The following YPEL3 variants were observed in gnomAD, a reference collection of about 807,000 sequenced individuals.
The protein encoded by YPEL3 is protein yippee-like 3.
YPEL3 carries 5 observed loss-of-function variants against 17.5 expected under a neutral mutation model. That is an observed-to-expected ratio of 0.29 (90% confidence interval 0.15 to 0.60). The LOEUF (loss-of-function observed/expected upper bound fraction) is 0.60. Among genes scored for constraint, YPEL3 ranks in the 20% least tolerant of loss-of-function variants. The probability of loss-of-function intolerance (pLI) is 0.87; values close to 1 mark genes in which losing one functional copy is unlikely to be tolerated. For missense variants in YPEL3, 155 were observed against 211.4 expected (o/e 0.73, Z 1.65); for synonymous variants, 87 against 87.2 (o/e 1.00, Z 0.01).
chr16:30,095,639 G>A lies in YPEL3; in HGVS notation c.-157C>T, dbSNP rs1349792153. 3.2e-6 allele frequency: 2 copies of A among 625,520 alleles called. No individual in the cohort carries two copies. The highest frequency in any genetic ancestry group is 3.2e-5 in the Admixed American group (1 of 31,262). 38.7% of individuals were successfully genotyped at this position (625,520 alleles called of 1,614,324 possible). Reference sequence around the variant, plus strand: ...ATCCATGGGGAAACTGAGGCTCGGAGGTGCCCAGGGTGAGTCACCCGCCTG... The same window carrying A: ...ATCCATGGGGAAACTGAGGCTCGGAAGTGCCCAGGGTGAGTCACCCGCCTG... On this transcript the variant is annotated 5_prime_UTR_variant, in exon 1 of 4. Coordinates refer to ENST00000398841, the MANE Select transcript of YPEL3 (RefSeq NM_031477.5). This position sits in a 1 kb window ranked among gnomAD's most constrained non-coding sequence, Gnocchi z 5.4.
chr16:30,092,899 G>C, intron 3 of YPEL3, 100 bp from the exon 4 acceptor site: 2 of 1,011,214 alleles, frequency 2.0e-6, no homozygotes, highest in East Asian at 4.8e-5. Context: ...TACATATGAG[G>C]AAACTGTGGC....
At chr16:30,094,976 G>A in intron 2 of YPEL3, 79 bp from the exon 3 acceptor site, 1 of 1,598,412 alleles carries the variant, frequency 6.3e-7, no homozygotes, top group Non-Finnish European at 8.6e-7. Flanking sequence ...TCTGTCCTCA[G>A]CATCCAAGAA....
Position 30,095,052 on chromosome 16 carries a change from A to G in YPEL3, c.275+51T>C. On this transcript the variant is annotated intron_variant, in intron 2 of 3. Transcript: ENST00000398841. This position sits in a 1 kb window ranked among gnomAD's most constrained non-coding sequence, Gnocchi z 5.4. ...GAGTCTCAGCAGGATGCCAGGGGTC[A>G]CAGGTCACAACAGAGGTCAGGGAAA... 1 of 1,612,684 alleles carries G rather than the reference A, an allele frequency of 6.2e-7. No individual in the cohort carries two copies. Among genetic ancestry groups the G allele is most frequent in the Non-Finnish European group, 8.5e-7 (1 of 1,179,136 alleles).
At chr16:30,094,650 A>G in intron 3 of YPEL3, 139 bp downstream of exon 3, 1 of 803,778 alleles carries the variant, frequency 1.2e-6, no homozygotes. Flanking sequence ...GTGCAAGATA[A>G]AGAGAATGTG....
chr16:30,093,191 C>G (rs548923595), intron 3 of YPEL3, among the ~76,000 whole-genome samples: 2 of 152,332 alleles, frequency 1.3e-5, no homozygotes, highest in East Asian at 3.9e-4. Flanking sequence ...CCCCAACTCC[C>G]AACCCTGCCA....
chr16:30,094,776 G>A lies in YPEL3; in HGVS notation c.384+13C>T, dbSNP rs1472363993. 6.2e-7 allele frequency: 1 copy of A among 1,612,900 alleles called. No individual in the cohort carries two copies. Among genetic ancestry groups the A allele is most frequent in the South Asian group, 1.1e-5 (1 of 91,062 alleles). On this transcript the variant is annotated intron_variant, in intron 3 of 3. Transcript: ENST00000398841. ...GTCAAAGGCTAGCCTGGGGTCAGAG[G>A]TGGGTGACTCACATATTTCCAGCCC...
chr16:30,092,859 G>A (rs1031418309), intron 3 of YPEL3, 60 bp from the exon 4 acceptor site: 8 of 1,489,226 alleles, frequency 5.4e-6, no homozygotes, highest in Non-Finnish European at 6.6e-6. Flanking sequence ...AGGCACTGGG[G>A]TTGGGAAGTG....
At chr16:30,093,239 G>C (rs2072755188) in intron 3 of YPEL3, among the ~76,000 whole-genome samples, 1 of 152,160 alleles carries the variant, frequency 6.6e-6, no homozygotes, top group South Asian at 2.1e-4. Context: ...GTATCTGCTT[G>C]GCCTTGCAGG....
intron 3 of YPEL3, among the ~76,000 whole-genome samples, chr16:30,093,150 G>C (rs933412043): frequency 6.6e-6 from 1 of 152,184 alleles, no homozygotes; most frequent in South Asian, 2.1e-4. Flanking sequence ...AATATAAGTA[G>C]GCCTTGCTCA....
At chr16:30,092,855 T>C in intron 3 of YPEL3, 56 bp from the exon 4 acceptor site, 1 of 1,530,744 alleles carries the variant, frequency 6.5e-7, no homozygotes, top group Non-Finnish European at 9.0e-7. Flanking sequence ...CACAAGGCAC[T>C]GGGGTTGGGA....
In YPEL3 at chr16:30,095,233, C is replaced by G. The variant is rs2072779614; in HGVS notation, c.231+19G>C. ...GCAGCCCCTATAGGTTCCAGCCCCA[C>G]TGTGGCCTGGTTGGTTACCTTGGAG... On this transcript the variant is annotated intron_variant, in intron 1 of 3. Transcript: ENST00000398841. This position sits in a 1 kb window ranked among gnomAD's most constrained non-coding sequence, Gnocchi z 5.4. 2.0e-5 allele frequency: 32 copies of G among 1,614,162 alleles called. No individual in the cohort carries two copies. The highest frequency in any genetic ancestry group is 2.2e-5 in the Non-Finnish European group (26 of 1,179,978).
At position 30,095,372 on chromosome 16, in the gene YPEL3, G is replaced by A; in HGVS notation, c.111C>T (p.Pro37=). The A allele has an allele frequency of 2.5e-6, 4 of 1,613,858 alleles. No homozygotes were observed. The highest frequency in any genetic ancestry group is 1.3e-5 in the African/African-American group (1 of 75,058). Residue 37 remains proline (P), a synonymous_variant, in exon 1 of 4, where the codon CCC becomes CCT. Coordinates refer to ENST00000398841, the MANE Select transcript of YPEL3 (RefSeq NM_031477.5). The surrounding 1 kb of genome is among the most constrained non-coding windows in gnomAD (Gnocchi z 5.4). ...TGGGCTTTGAAATCCGCACCATGGC[G>A]GGGGCCGGGGGCAGTGGCCCCACGC... ...APRVGPLPPA[P]AMVRISKPKT...
At chr16:30,092,873 A>T in intron 3 of YPEL3, 74 bp from the exon 4 acceptor site, 1 of 1,309,038 alleles carries the variant, frequency 7.6e-7, no homozygotes, top group Non-Finnish European at 1.1e-6. Flanking sequence ...GGAAGTGGAC[A>T]TGAGTGGCCC....
At chr16:30,094,717 GA>G in intron 3 of YPEL3, 71 bp downstream of exon 3, 1 of 1,386,844 alleles carries the variant, frequency 7.2e-7, no homozygotes, top group Non-Finnish European at 1.0e-6. Context: ...GCTATAGGGT[GA>G]CAGCTTGTCA....
rs2072779170 is a variant in YPEL3, at chr16:30,095,199, A to G, written c.231+53T>C. ...GAGGGGGTCAGGGCTGCCGGTGGGG[A>G]GCTGCCAGGCAGCCCCTATAGGTTC... On this transcript the variant is annotated intron_variant, in intron 1 of 3. Coordinates refer to ENST00000398841, the MANE Select transcript of YPEL3 (RefSeq NM_031477.5). This position sits in a 1 kb window ranked among gnomAD's most constrained non-coding sequence, Gnocchi z 5.4. The G allele has an allele frequency of 6.2e-7, 1 of 1,613,606 alleles. No individual in the cohort carries two copies. Among genetic ancestry groups the G allele is most frequent in the East Asian group, 2.2e-5 (1 of 44,886 alleles).
chr16:30,095,760 G>T lies in YPEL3; in HGVS notation c.-278C>A. 1 of 457,888 alleles carries T rather than the reference G, an allele frequency of 2.2e-6. No individual in the cohort carries two copies. Among genetic ancestry groups the T allele is most frequent in the Non-Finnish European group, 3.9e-6 (1 of 257,816 alleles). The allele number at this position is 457,888 out of a possible 1,614,324, so 28.4% of individuals were successfully genotyped here. A position where few individuals can be genotyped will look rare whatever the true frequency, so the allele number is the denominator to read the frequency against. ...AGTTCCCAGTTTCGGGGGAGCATGG[G>T]CGGGTAGGCACTGGTTGGTCCTTGC... On this transcript the variant is annotated 5_prime_UTR_variant, in exon 1 of 4. Coordinates refer to ENST00000398841, the MANE Select transcript of YPEL3 (RefSeq NM_031477.5). This position sits in a 1 kb window ranked among gnomAD's most constrained non-coding sequence, Gnocchi z 5.4.
Position 30,095,765 on chromosome 16 carries a change from T to G in YPEL3, c.-283A>C. On this transcript the variant is annotated 5_prime_UTR_variant, in exon 1 of 4. Transcript: ENST00000398841. The surrounding 1 kb of genome is among the most constrained non-coding windows in gnomAD (Gnocchi z 5.4). ...CCAGTTTCGGGGGAGCATGGGCGGG[T>G]AGGCACTGGTTGGTCCTTGCGACCT... 2.2e-6 allele frequency: 1 copy of G among 449,578 alleles called. No homozygotes were observed. Among genetic ancestry groups the G allele is most frequent in the South Asian group, 4.6e-5 (1 of 21,910 alleles). The allele number at this position is 449,578 out of a possible 1,614,324, so 27.8% of individuals were successfully genotyped here. A position where few individuals can be genotyped will look rare whatever the true frequency, so the allele number is the denominator to read the frequency against.
At position 30,095,407 on chromosome 16, in the gene YPEL3, C is replaced by T. The variant is rs758031738; in HGVS notation, c.76G>A (p.Ala26Thr). Residue 26 changes from alanine (A) to threonine (T), a missense_variant, in exon 1 of 4, where the codon GCC (alanine) becomes ACC (threonine). Transcript: ENST00000398841. The surrounding 1 kb of genome is among the most constrained non-coding windows in gnomAD (Gnocchi z 5.4). Reference protein sequence around the residue: ...QALGSLCSPWAAPRVGPLPPA... With the variant: ...QALGSLCSPWTAPRVGPLPPA... ...GGCAGTGGCCCCACGCGGGGAGCGG[C>T]CCACGGGGAGCAGAGGGAGCCCAGT... The T allele has an allele frequency of 5.6e-6, 9 of 1,610,422 alleles. No individual in the cohort carries two copies. The highest frequency in any genetic ancestry group is 7.6e-6 in the Non-Finnish European group (9 of 1,178,222).
At position 30,095,201 on chromosome 16, in the gene YPEL3, C is replaced by G; in HGVS notation, c.231+51G>C. The G allele has an allele frequency of 6.2e-7, 1 of 1,614,066 alleles. No homozygotes were observed. The highest frequency in any genetic ancestry group is 2.2e-5 in the East Asian group (1 of 44,884). ...GGGGGTCAGGGCTGCCGGTGGGGAG[C>G]TGCCAGGCAGCCCCTATAGGTTCCA... On this transcript the variant is annotated intron_variant, in intron 1 of 3. Transcript: ENST00000398841. This position sits in a 1 kb window ranked among gnomAD's most constrained non-coding sequence, Gnocchi z 5.4.
Sources: gnomAD v4.1 joint callset for allele counts (sites outside exome capture counted in the v4.1 genomes callset) on GRCh38, gnomAD v4.1.1 for gene constraint, Gnocchi (gnomAD v3.1) non-coding constraint, MANE v1.5 for transcripts, NCBI Gene and HGNC (gene_info 2026-07-23, HGNC 2026-07-21) for gene names.